The following RARB variants were observed in gnomAD, a reference collection of about 807,000 sequenced individuals.
RARB encodes the protein retinoic acid receptor beta, also known as HBV-activated protein.
A neutral mutation model predicts 51.9 loss-of-function variants in RARB; 17 were observed. The ratio of observed to expected loss-of-function variants is 0.33; its 90% CI spans 0.22 to 0.49. RARB has a LOEUF of 0.49. Ranked by LOEUF, RARB falls within the 20% of genes least tolerant of loss-of-function variation. RARB has a pLI of 0.99. For missense variants in RARB, 369 were observed against 550.8 expected, an observed-to-expected ratio of 0.67 and a Z score of 3.30; for synonymous variants, 215 against 195.4, an observed-to-expected ratio of 1.10 and a Z score of -0.84.
At chr3:24,953,435 C>A (rs972229799) in intron 2 of RARB, among the ~76,000 whole-genome samples, 1 of 152,178 alleles carries the variant, frequency 6.6e-6, no homozygotes, top group Non-Finnish European at 1.5e-5. Flanking sequence ...TCACTTAGTA[C>A]CCCTGAGCAA....
chr3:25,490,068 A>G lies in RARB; in HGVS notation c.307-11114A>G, dbSNP rs150338795. On this transcript the variant is annotated intron_variant, in intron 2 of 7. Transcript: ENST00000330688. ...GAAGAGAAGCAGAAGGCTACATCCA[A>G]TAAATCCCTGTTATTTTTCAGTTGT... is the stretch of plus-strand genomic sequence containing the variant. 2.6e-5 allele frequency among the ~76,000 whole-genome samples: 4 copies of G among 152,340 alleles called. No individual in the cohort carries two copies. The East Asian group carries it at 7.7e-4, about 29-fold the overall frequency.
At chr3:25,115,602 T>G (rs1432773873) in intron 3 of RARB, among the ~76,000 whole-genome samples, 1 of 151,792 alleles carries the variant, frequency 6.6e-6, no homozygotes, top group South Asian at 2.1e-4. Flanking sequence ...TTTTCTTCTT[T>G]TCTTTCTTTC....
chr3:24,908,462 C>A (rs1694914731), intron 2 of RARB, among the ~76,000 whole-genome samples: 1 of 152,088 alleles, frequency 6.6e-6, no homozygotes, highest in Non-Finnish European at 1.5e-5. Context: ...AGAACCTTAA[C>A]AATTTGGATC....
At chr3:25,042,865 C>T (rs1698141585) in intron 2 of RARB, among the ~76,000 whole-genome samples, 1 of 152,202 alleles carries the variant, frequency 6.6e-6, no homozygotes, top group Non-Finnish European at 1.5e-5. Flanking sequence ...TTCCTCTACC[C>T]CTCCAGCCCC....
In RARB at chr3:25,092,627, C is replaced by CT. The variant is rs972028269; in HGVS notation, c.-328+32459dup. ...CTTTGATTCAAATTACATGTTTGCT[C>CT]TTTTTTTTCCAGAAAAGAATGTGGG... On this transcript the variant is annotated intron_variant, in intron 3 of 11. Coordinates refer to the RARB transcript ENST00000383772. Among the ~76,000 whole-genome samples the CT allele has an allele frequency of 5.9e-5, 9 of 152,054 alleles. No homozygotes were observed. In the South Asian group the frequency reaches 1.2e-3, roughly 21 times the overall value.
At chr3:25,492,982 C>T (rs1696819534) in intron 2 of RARB, among the ~76,000 whole-genome samples, 1 of 140,258 alleles carries the variant, frequency 7.1e-6, no homozygotes, top group Non-Finnish European at 1.6e-5. Context: ...GATTTATTAC[C>T]TTTTTTTTTT....
At chr3:25,388,272 C>T (rs1337514677) in intron 5 of RARB, among the ~76,000 whole-genome samples, 1 of 152,098 alleles carries the variant, frequency 6.6e-6, no homozygotes, top group Admixed American at 6.6e-5. Flanking sequence ...TTTACAAAGA[C>T]ATATGGTTTT....
At chr3:25,074,235 A>C (rs1054502174) in intron 3 of RARB, among the ~76,000 whole-genome samples, 1 of 152,232 alleles carries the variant, frequency 6.6e-6, no homozygotes, top group Middle Eastern at 3.2e-3. Context: ...ATTTTGAAAA[A>C]GAATAGCTTT....
chr3:25,303,491 C>T (rs975640682), intron 5 of RARB, among the ~76,000 whole-genome samples: 2 of 152,090 alleles, frequency 1.3e-5, no homozygotes, highest in Non-Finnish European at 2.9e-5. Flanking sequence ...AGGCCATGAC[C>T]GACTGAGTGC....
intron 5 of RARB, among the ~76,000 whole-genome samples, chr3:25,323,761 C>T (rs563116731): frequency 1.6e-4 from 25 of 152,248 alleles, no homozygotes; most frequent in African/African-American, 5.8e-4. Context: ...AAACATAAAC[C>T]ACAGCCCTAA....
At chr3:25,421,403 CTTTTTTTTTTTTT>C (rs766378555) in intron 5 of RARB, among the ~76,000 whole-genome samples, 8 of 72,374 alleles carry the variant, frequency 1.1e-4, no homozygotes, top group African/African-American at 4.5e-4. Flanking sequence ...TTCTTCTTTT[CTTTTTTTTTTTTT>C]TTTTTTTTTT....
chr3:25,309,147 TTTTTTTTTTG>T (rs1704224174), intron 5 of RARB, among the ~76,000 whole-genome samples: 2 of 140,690 alleles, frequency 1.4e-5, no homozygotes, highest in African/African-American at 5.4e-5. Flanking sequence ...TTTTTTTTTT[TTTTTTTTTTG>T]AGATGGAGTC....
chr3:25,013,607 C>T (rs1697443899), intron 2 of RARB, among the ~76,000 whole-genome samples: 2 of 151,972 alleles, frequency 1.3e-5, no homozygotes, highest in Admixed American at 1.3e-4. Flanking sequence ...ATATCAGAGT[C>T]AGTCATTATA....
At chr3:25,543,176 T>C (rs1013428314) in intron 3 of RARB, among the ~76,000 whole-genome samples, 2 of 152,188 alleles carry the variant, frequency 1.3e-5, no homozygotes, top group African/African-American at 2.4e-5. Context: ...AAGACACTCA[T>C]GTGTACATAC....
chr3:25,232,096 T>C (rs77165587), intron 5 of RARB, among the ~76,000 whole-genome samples: 1 of 152,268 alleles, frequency 6.6e-6, no homozygotes, highest in Admixed American at 6.5e-5. Context: ...GGGGTATTTG[T>C]TGAAAAAACT....
intron 2 of RARB, among the ~76,000 whole-genome samples, chr3:25,036,751 A>C (rs1336220844): frequency 6.6e-6 from 1 of 152,092 alleles, no homozygotes; most frequent in African/African-American, 2.4e-5. Context: ...GATGTCGAAA[A>C]GGCATCACTA....
intron 2 of RARB, among the ~76,000 whole-genome samples, chr3:24,977,108 C>G (rs1341473765): frequency 2.0e-5 from 3 of 151,866 alleles, no homozygotes; most frequent in Non-Finnish European, 4.4e-5. Context: ...CTGTTCTGTT[C>G]CATTGGTCTA....
chr3:25,515,314 T>G (rs1433781720), intron 3 of RARB, among the ~76,000 whole-genome samples: 1 of 152,198 alleles, frequency 6.6e-6, no homozygotes, highest in African/African-American at 2.4e-5. Context: ...GGAACTCTCA[T>G]GTGTGGCTTG....
intron 2 of RARB, among the ~76,000 whole-genome samples, chr3:24,954,718 T>A (rs1695971636): frequency 6.6e-6 from 1 of 151,938 alleles, no homozygotes; most frequent in Non-Finnish European, 1.5e-5. Context: ...AATTTGGGGT[T>A]CTTTCCCCAA....
Sources: gnomAD v4.1 joint callset for allele counts (sites outside exome capture counted in the v4.1 genomes callset) on GRCh38, gnomAD v4.1.1 for gene constraint, MANE v1.5 for transcripts, NCBI Gene and HGNC (gene_info 2026-07-23, HGNC 2026-07-21) for gene names.